Variants in ELAVL4 observed in about 807,000 individuals in gnomAD.
The protein encoded by ELAVL4 is ELAV-like protein 4.
In ELAVL4, 1 loss-of-function variant was observed where a neutral mutation model predicts 35.6. The ratio of observed to expected loss-of-function variants is 0.03; its 90% CI spans 0.01 to 0.13. The LOEUF is 0.13. Among genes scored for constraint, ELAVL4 ranks in the 10% least tolerant of loss-of-function variants. The pLI, the probability that ELAVL4 is intolerant of heterozygous loss-of-function variation, is 1.00. For missense variants in ELAVL4, 267 were observed against 464.9 expected (o/e 0.57, Z 3.91); for synonymous variants, 156 against 171.0 (o/e 0.91, Z 0.69).
At chr1:50,143,169 AG>A (rs1673107341) in intron 1 of ELAVL4, among the ~76,000 whole-genome samples, 1 of 152,214 alleles carries the variant, frequency 6.6e-6, no homozygotes, top group Non-Finnish European at 1.5e-5. Context: ...GTGATCTGAA[AG>A]GTAATTACCC....
At chr1:50,183,651 C>A (rs1681395047) in intron 3 of ELAVL4, among the ~76,000 whole-genome samples, 1 of 152,182 alleles carries the variant, frequency 6.6e-6, no homozygotes, top group African/African-American at 2.4e-5. Flanking sequence ...TTTGCAGGTT[C>A]CAGTTTGCCC....
intron 1 of ELAVL4, among the ~76,000 whole-genome samples, chr1:50,117,349 A>G (rs972818311): frequency 6.6e-6 from 1 of 152,116 alleles, no homozygotes; most frequent in Non-Finnish European, 1.5e-5. Context: ...CTTTGTTGGC[A>G]AGGCTATCTC....
At chr1:50,103,080 G>C (rs1308140881), upstream of ELAVL4, among the ~76,000 whole-genome samples, 1 of 152,214 alleles carries the variant, frequency 6.6e-6, no homozygotes, top group Admixed American at 6.5e-5. Context: ...TTCAGCTACT[G>C]TTCTTGCATA....
chr1:50,089,895 G>A (rs887566365), intron 1 of ELAVL4, among the ~76,000 whole-genome samples: 1 of 152,128 alleles, frequency 6.6e-6, no homozygotes, highest in South Asian at 2.1e-4. Flanking sequence ...GAATACAGAC[G>A]GTTCCTAGGG....
At chr1:50,113,240 T>A (rs572907234) in intron 1 of ELAVL4, among the ~76,000 whole-genome samples, 3 of 152,072 alleles carry the variant, frequency 2.0e-5, no homozygotes, top group Non-Finnish European at 4.4e-5. Flanking sequence ...TTGGTTTGAT[T>A]TCTTCCCTTT....
At chr1:50,093,996 G>A (rs1665607856) in intron 1 of ELAVL4, among the ~76,000 whole-genome samples, 1 of 152,168 alleles carries the variant, frequency 6.6e-6, no homozygotes, top group Non-Finnish European at 1.5e-5. Context: ...AACTAAGTGA[G>A]TAAATACATA....
intron 2 of ELAVL4, among the ~76,000 whole-genome samples, chr1:50,147,096 T>C (rs1673859202): frequency 6.6e-6 from 1 of 152,038 alleles, no homozygotes. Flanking sequence ...AGCAGAGACA[T>C]ACAGTAGCAT....
intron 2 of ELAVL4, among the ~76,000 whole-genome samples, chr1:50,176,806 C>T (rs192880251): frequency 5.9e-5 from 9 of 152,336 alleles, no homozygotes; most frequent in Admixed American, 3.9e-4. Flanking sequence ...TATGTGGACA[C>T]TTGTGTATCT....
At chr1:50,140,782 C>T (rs1156325140) in intron 1 of ELAVL4, among the ~76,000 whole-genome samples, 1 of 152,152 alleles carries the variant, frequency 6.6e-6, no homozygotes, top group Non-Finnish European at 1.5e-5. Context: ...TCTGGATACA[C>T]AAAAGAATAA....
At chr1:50,160,647 C>G (rs80058947) in intron 2 of ELAVL4, among the ~76,000 whole-genome samples, 92 of 152,298 alleles carry the variant, frequency 6.0e-4, no homozygotes, top group African/African-American at 2.2e-3. Flanking sequence ...GACACGCTGA[C>G]AGAGGTTTTC....
intron 1 of ELAVL4, among the ~76,000 whole-genome samples, chr1:50,056,440 A>T (rs922267471): frequency 6.6e-6 from 1 of 152,196 alleles, no homozygotes; most frequent in Admixed American, 6.5e-5. Context: ...TTGCTTAGTG[A>T]CATCATAGCC....
At chr1:50,110,571 A>G (rs1666898709) in intron 1 of ELAVL4, among the ~76,000 whole-genome samples, 1 of 152,142 alleles carries the variant, frequency 6.6e-6, no homozygotes, top group Admixed American at 6.5e-5. Context: ...GACCCTGAAG[A>G]TATGGCACAA....
intron 1 of ELAVL4, among the ~76,000 whole-genome samples, chr1:50,056,654 C>A (rs1462484600): frequency 6.6e-6 from 1 of 151,932 alleles, no homozygotes. Context: ...GAATGTACAC[C>A]GGCCGGGTGA....
intron 3 of ELAVL4, among the ~76,000 whole-genome samples, chr1:50,188,621 C>A (rs1298507948): frequency 6.6e-6 from 1 of 152,132 alleles, no homozygotes; most frequent in African/African-American, 2.4e-5. Context: ...ACTGACACAC[C>A]CTGTCACAAG....
At chr1:50,075,820 G>GAT (rs1664736059) in intron 1 of ELAVL4, among the ~76,000 whole-genome samples, 1 of 151,860 alleles carries the variant, frequency 6.6e-6, no homozygotes, top group Non-Finnish European at 1.5e-5. Context: ...GATATAGATA[G>GAT]AGAGAGAGAG....
upstream of ELAVL4, chr1:50,106,426 C>A: frequency 1.9e-6 from 3 of 1,544,898 alleles, no homozygotes; most frequent in African/African-American, 1.4e-5. Context: ...GGCAGCCCCA[C>A]AGTGCTGGGA....
rs549242537 is a variant in ELAVL4 at position 50,079,596 on chromosome 1, G to A, written c.18+31414G>A. Reference sequence around the variant, plus strand: ...AGTCAAGGCAGTTTCAAAGAGAGTTGACAGTTGAGGGTTGTCTAAACTAAA... The same window carrying A: ...AGTCAAGGCAGTTTCAAAGAGAGTTAACAGTTGAGGGTTGTCTAAACTAAA... On this transcript the variant is annotated intron_variant, in intron 1 of 6. Transcript: ENST00000448907. Among the ~76,000 whole-genome samples, 42 of 152,284 alleles carry A rather than the reference G, an allele frequency of 2.8e-4. No homozygotes were observed. The South Asian group carries it at 8.5e-3, about 31-fold the overall frequency.
At chr1:50,133,370 C>T (rs907443944) in intron 1 of ELAVL4, among the ~76,000 whole-genome samples, 5 of 152,132 alleles carry the variant, frequency 3.3e-5, no homozygotes, top group African/African-American at 1.2e-4. Context: ...TTCAAAGGCA[C>T]ACTTCTCCTC....
chr1:50,139,018 GA>G (rs541769297), intron 1 of ELAVL4, among the ~76,000 whole-genome samples: 78 of 151,892 alleles, frequency 5.1e-4, no homozygotes, highest in Admixed American at 2.9e-3. Context: ...TTTAAAAATT[GA>G]AAAAAAATCT....
Sources: gnomAD v4.1 joint callset for allele counts (sites outside exome capture counted in the v4.1 genomes callset) on GRCh38, gnomAD v4.1.1 for gene constraint, MANE v1.5 for transcripts, NCBI Gene and HGNC (gene_info 2026-07-23, HGNC 2026-07-21) for gene names.